POLN: variants seen among roughly 807,000 people sequenced by gnomAD.
POLN encodes the protein DNA polymerase nu, also known as DNA polymerase N.
In POLN, 108 loss-of-function variants were observed where a neutral mutation model predicts 113.5. That is an observed-to-expected ratio of 0.95 (90% confidence interval 0.81 to 1.12). The LOEUF is 1.12. Ranked by LOEUF, POLN falls within the 50% of genes most tolerant of loss-of-function variation. The pLI is 0.00. For synonymous variants in POLN, 386 were observed against 391.5 expected (o/e 0.99, Z 0.17); for missense variants, 1,097 against 1,077.1 (o/e 1.02, Z -0.26).
chr4:2,080,216 C>A (rs1275726866), intron 23 of POLN: 13 of 988,094 alleles, frequency 1.3e-5, no homozygotes, highest in Non-Finnish European at 1.6e-5. Context: ...CTTGCAGCAC[C>A]CCCAGGCCTT....
intron 2 of POLN, chr4:2,229,445 C>G: frequency 2.5e-6 from 1 of 404,264 alleles, no homozygotes. Context: ...ATCCAGGTAT[C>G]ATAGTAAATA....
chr4:2,156,924 C>A (rs1732449414), intron 15 of POLN, 71 bp from the exon 16 acceptor site: 2 of 1,275,358 alleles, frequency 1.6e-6, no homozygotes, highest in Non-Finnish European at 2.3e-6. Context: ...GGCGGAGCCT[C>A]CACTCACAAC....
At chr4:2,224,983 G>A (rs753394015) in intron 3 of POLN, among the ~76,000 whole-genome samples, 2 of 151,970 alleles carry the variant, frequency 1.3e-5, no homozygotes, top group Non-Finnish European at 2.9e-5. Flanking sequence ...ATTGTGCTAT[G>A]ATAACAGTAC....
chr4:2,152,726 A>G (rs1305724547), intron 16 of POLN, among the ~76,000 whole-genome samples: 2 of 152,264 alleles, frequency 1.3e-5, no homozygotes, highest in East Asian at 3.9e-4. Context: ...CAAATGTTCT[A>G]TCAGAAAACA....
intron 9 of POLN, among the ~76,000 whole-genome samples, chr4:2,176,018 G>C (rs1049311749): frequency 6.6e-6 from 1 of 152,132 alleles, no homozygotes; most frequent in Non-Finnish European, 1.5e-5. Context: ...TATGGCATTG[G>C]AAACATCCCA....
At chr4:2,204,912 A>G (rs577937241) in intron 5 of POLN, among the ~76,000 whole-genome samples, 1 of 152,220 alleles carries the variant, frequency 6.6e-6, no homozygotes, top group Non-Finnish European at 1.5e-5. Context: ...TAAAACTCTC[A>G]GCACAATTGG....
intron 13 of POLN, among the ~76,000 whole-genome samples, chr4:2,160,724 T>A (rs1732559776): frequency 6.6e-6 from 1 of 152,222 alleles, no homozygotes; most frequent in Admixed American, 6.5e-5. Context: ...ACTTATTTAA[T>A]GATGTCTTTT....
At chr4:2,142,169 A>C (rs1438443431) in intron 16 of POLN, among the ~76,000 whole-genome samples, 1 of 152,180 alleles carries the variant, frequency 6.6e-6, no homozygotes. Flanking sequence ...TAACAAAACA[A>C]AACACTTTTT....
chr4:2,199,250 A>C (rs114982352), intron 5 of POLN, among the ~76,000 whole-genome samples: 4 of 152,198 alleles, frequency 2.6e-5, no homozygotes, highest in African/African-American at 4.8e-5. Flanking sequence ...ATGTATGCTG[A>C]AAACTATAAA....
At chr4:2,181,697 G>A (rs1477492565) in intron 7 of POLN, among the ~76,000 whole-genome samples, 2 of 152,058 alleles carry the variant, frequency 1.3e-5, no homozygotes, top group Non-Finnish European at 2.9e-5. Context: ...GATGACTTTA[G>A]GCCGGGCATG....
At chr4:2,106,418 C>T (rs1019066936) in intron 19 of POLN, among the ~76,000 whole-genome samples, 10 of 152,236 alleles carry the variant, frequency 6.6e-5, no homozygotes, top group Admixed American at 2.6e-4. Context: ...CTGTGACAAT[C>T]ATCTCGAAGA....
intron 6 of POLN, among the ~76,000 whole-genome samples, chr4:2,193,925 T>C (rs1733514632): frequency 6.6e-6 from 1 of 152,222 alleles, no homozygotes; most frequent in Non-Finnish European, 1.5e-5. Context: ...GTACACTTGC[T>C]GTATTATAAT....
At position 2,208,209 on chromosome 4, in the gene POLN, C is replaced by CA; in HGVS notation, c.491dup (p.Leu164PhefsTer7). 6.2e-7 allele frequency: 1 copy of CA among 1,600,496 alleles called. No individual in the cohort carries two copies. The highest frequency in any genetic ancestry group is 1.1e-5 in the South Asian group (1 of 90,666). ...CCATTTGTTTACTTGTTTTCTCTGA[C>CA]AAATTATTATATGTAATATGTTTTC... On this transcript the variant is annotated frameshift_variant, in exon 5 of 26. Coordinates refer to ENST00000511885, the MANE Select transcript of POLN (RefSeq NM_181808.4). LOFTEE classifies it high-confidence loss of function.
chr4:2,076,346 G>A (rs1183841166), intron 23 of POLN: 1 of 152,500 alleles, frequency 6.6e-6, no homozygotes, highest in East Asian at 1.9e-4. Flanking sequence ...CCTTGGAAAC[G>A]GGTGACACAC....
At chr4:2,202,277 A>T (rs1439895229) in intron 5 of POLN, among the ~76,000 whole-genome samples, 1 of 152,166 alleles carries the variant, frequency 6.6e-6, no homozygotes, top group Non-Finnish European at 1.5e-5. Context: ...TCACCAACCA[A>T]CCATCTGCTG....
At chr4:2,219,548 G>A (rs1302960429) in intron 3 of POLN, among the ~76,000 whole-genome samples, 1 of 152,044 alleles carries the variant, frequency 6.6e-6, no homozygotes, top group Non-Finnish European at 1.5e-5. Context: ...TTATCAGGAG[G>A]CATCTCCTAT....
chr4:2,146,094 T>C (rs1732131714), intron 16 of POLN, among the ~76,000 whole-genome samples: 1 of 150,848 alleles, frequency 6.6e-6, no homozygotes. Flanking sequence ...TTTAAGAAAA[T>C]ATAAATAAAT....
intron 5 of POLN, 23 bp downstream of exon 5, chr4:2,207,964 T>G: frequency 6.4e-7 from 1 of 1,556,996 alleles, no homozygotes. Flanking sequence ...AGACAGCAAA[T>G]AAAAACATCA....
intron 13 of POLN, among the ~76,000 whole-genome samples, chr4:2,165,124 C>T (rs1255404404): frequency 1.3e-5 from 2 of 152,198 alleles, no homozygotes; most frequent in East Asian, 3.8e-4. Context: ...AAAACCTACA[C>T]ACAGATATTT....
Sources: gnomAD v4.1 joint callset for allele counts (sites outside exome capture counted in the v4.1 genomes callset) on GRCh38, gnomAD v4.1.1 for gene constraint, MANE v1.5 for transcripts, NCBI Gene and HGNC (gene_info 2026-07-23, HGNC 2026-07-21) for gene names.